EXOC2: variants seen among roughly 807,000 people sequenced by gnomAD.
The protein encoded by EXOC2 is SEC5-like 1.
Under a neutral mutation model 131.8 loss-of-function variants are expected in EXOC2, and 70 were observed. The ratio of observed to expected loss-of-function variants is 0.53; its 90% CI spans 0.44 to 0.65. The LOEUF (loss-of-function observed/expected upper bound fraction) is 0.65. EXOC2 is among the 30% of genes least tolerant of loss of function. The probability of loss-of-function intolerance (pLI) is 0.00; values close to 1 mark genes in which losing one functional copy is unlikely to be tolerated. For missense variants in EXOC2, 923 were observed against 1,108.6 expected, an observed-to-expected ratio of 0.83 and a Z score of 2.38; for synonymous variants, 411 against 398.4, an observed-to-expected ratio of 1.03 and a Z score of -0.38.
At chr6:491,077 A>C (rs1230244481) in intron 26 of EXOC2, 48 bp downstream of exon 26, 2 of 1,581,938 alleles carry the variant, frequency 1.3e-6, no homozygotes, top group South Asian at 1.1e-5. Flanking sequence ...CTAGTAAGAC[A>C]ACCTTTATTT....
chr6:584,898 C>T (rs1176499445), intron 11 of EXOC2, among the ~76,000 whole-genome samples: 1 of 152,180 alleles, frequency 6.6e-6, no homozygotes, highest in Non-Finnish European at 1.5e-5. Flanking sequence ...TATTTTAACT[C>T]ACATTCAGAA....
In EXOC2 at chr6:638,802, G is replaced by A. The variant is rs989084055; in HGVS notation, c.-43-941C>T. On this transcript the variant is annotated intron_variant, in intron 1 of 27. Coordinates refer to ENST00000230449, the MANE Select transcript of EXOC2 (RefSeq NM_018303.6). ...AAAATTAGCCGACGTGGTGGTGCAC[G>A]CCTGTAATCCCAGCTACTCAGGAGG... Among the ~76,000 whole-genome samples, 11 of 152,248 alleles carry A rather than the reference G, an allele frequency of 7.2e-5. No homozygotes were observed. In the East Asian group the frequency reaches 7.7e-4, roughly 11 times the overall value.
chr6:673,818 C>T (rs1357544919), intron 1 of EXOC2, among the ~76,000 whole-genome samples: 1 of 151,838 alleles, frequency 6.6e-6, no homozygotes, highest in Non-Finnish European at 1.5e-5. Flanking sequence ...CAAGAAATAC[C>T]AAAATGTGAC....
chr6:631,087 G>A (rs189751573), intron 3 of EXOC2, among the ~76,000 whole-genome samples: 17 of 152,326 alleles, frequency 1.1e-4, no homozygotes, highest in South Asian at 4.1e-4. Context: ...CTCCCCAGGC[G>A]AGGATCAGAA....
intron 25 of EXOC2, 33 bp from the exon 26 acceptor site, chr6:491,219 G>A: frequency 6.2e-7 from 1 of 1,607,890 alleles, no homozygotes; most frequent in East Asian, 2.2e-5. Context: ...GTGACAACAG[G>A]AAAATTTATA....
intron 6 of EXOC2, among the ~76,000 whole-genome samples, chr6:612,822 G>A (rs1760782811): frequency 1.3e-5 from 2 of 152,216 alleles, no homozygotes; most frequent in Admixed American, 1.3e-4. Context: ...TTTTACCCCA[G>A]TGTACCATAA....
At chr6:691,398 T>C (rs1181913316) in intron 1 of EXOC2, among the ~76,000 whole-genome samples, 4 of 152,206 alleles carry the variant, frequency 2.6e-5, no homozygotes, top group Admixed American at 6.5e-5. Flanking sequence ...CTTCCATCTC[T>C]GCCATTCCTG....
chr6:542,230 C>G (rs188086998), intron 22 of EXOC2, among the ~76,000 whole-genome samples: 2 of 152,304 alleles, frequency 1.3e-5, no homozygotes, highest in Admixed American at 1.3e-4. Context: ...TTTTATCACT[C>G]TCTTACATCC....
chr6:641,489 C>T (rs538003925), intron 1 of EXOC2, among the ~76,000 whole-genome samples: 5 of 152,260 alleles, frequency 3.3e-5, no homozygotes, highest in Admixed American at 2.0e-4. Flanking sequence ...AAAGCACCAG[C>T]AAACCAACCT....
At chr6:605,793 T>C (rs149164510) in intron 7 of EXOC2, among the ~76,000 whole-genome samples, 6,663 of 152,314 alleles carry the variant, frequency 0.044, 342 homozygotes, top group South Asian at 0.2. Context: ...ATTGTGATGT[T>C]AGGGTGTCAA....
chr6:676,562 T>G (rs9392105), intron 1 of EXOC2, among the ~76,000 whole-genome samples: 24 of 8,850 alleles, frequency 2.7e-3, no homozygotes, highest in East Asian at 0.5. Flanking sequence ...CAGGTTCCTC[T>G]GGAGACTCTG....
At chr6:600,384 A>T (rs1056090770) in intron 7 of EXOC2, among the ~76,000 whole-genome samples, 2 of 152,204 alleles carry the variant, frequency 1.3e-5, no homozygotes, top group African/African-American at 4.8e-5. Flanking sequence ...TAGTATTTGA[A>T]ATCTGATTAG....
chr6:611,731 T>C (rs947086812), intron 6 of EXOC2, among the ~76,000 whole-genome samples: 9 of 152,238 alleles, frequency 5.9e-5, no homozygotes, highest in African/African-American at 2.2e-4. Flanking sequence ...CATCTTTAAG[T>C]AGAATAACTC....
intron 22 of EXOC2, among the ~76,000 whole-genome samples, chr6:536,674 C>G (rs1766461850): frequency 6.6e-6 from 1 of 152,054 alleles, no homozygotes; most frequent in Non-Finnish European, 1.5e-5. Context: ...TAAAACAATG[C>G]AATATTGGCA....
At chr6:523,439 TGTATA>T (rs1361599072) in intron 23 of EXOC2, among the ~76,000 whole-genome samples, 1 of 152,250 alleles carries the variant, frequency 6.6e-6, no homozygotes, top group Non-Finnish European at 1.5e-5. Context: ...GACAGTGCTT[TGTATA>T]GTATAGACTT....
At chr6:555,103 C>T (rs1373925186) in intron 20 of EXOC2, 124 bp downstream of exon 20, 3 of 469,162 alleles carry the variant, frequency 6.4e-6, no homozygotes, top group Non-Finnish European at 1.1e-5. Flanking sequence ...AAAACTATTA[C>T]TTCGATATGA....
chr6:674,019 T>A (rs1301793305), intron 1 of EXOC2, among the ~76,000 whole-genome samples: 1 of 152,184 alleles, frequency 6.6e-6, no homozygotes, highest in Non-Finnish European at 1.5e-5. Flanking sequence ...AAACCCCTAA[T>A]AATCCAAAAA....
intron 25 of EXOC2, among the ~76,000 whole-genome samples, chr6:492,319 G>A (rs1763482031): frequency 6.6e-6 from 1 of 152,198 alleles, no homozygotes; most frequent in Non-Finnish European, 1.5e-5. Flanking sequence ...TGGTAGGAAT[G>A]TCTGCCACTT....
In EXOC2 at chr6:571,449, A is replaced by G. The variant is rs1370154371; in HGVS notation, c.1443+1071T>C. On this transcript the variant is annotated intron_variant, in intron 13 of 27. Transcript: ENST00000230449. ...CGGGTTTACAACGGAGATACTAGGC[A>G]CTTGGAGTTCAAATATACAAAGAAA... is the stretch of plus-strand genomic sequence containing the variant. 2.0e-5 allele frequency among the ~76,000 whole-genome samples: 3 copies of G among 152,244 alleles called. No homozygotes were observed. In the East Asian group the frequency reaches 5.8e-4, roughly 29 times the overall value.
Sources: allele counts gnomAD v4.1 joint callset (sites outside exome capture counted in the v4.1 genomes callset), GRCh38; gene constraint gnomAD v4.1.1; transcripts MANE v1.5; gene names NCBI Gene and HGNC (gene_info 2026-07-23, HGNC 2026-07-21).